ZFHX3: variants seen among roughly 807,000 people sequenced by gnomAD.
ZFHX3 encodes the protein zinc finger homeobox protein 3.
Under a neutral mutation model 279.1 loss-of-function variants are expected in ZFHX3, and 42 were observed. That is an observed-to-expected ratio of 0.15 (90% CI 0.12 to 0.19). The LOEUF (loss-of-function observed/expected upper bound fraction) is 0.19. Ranked by LOEUF, ZFHX3 falls within the 10% of genes least tolerant of loss-of-function variation. The pLI, the probability that ZFHX3 is intolerant of heterozygous loss-of-function variation, is 1.00. For synonymous variants in ZFHX3, 2,293 were observed against 1,957.8 expected, an observed-to-expected ratio of 1.17 and a Z score of -4.52; for missense variants, 4,981 against 4,754.0, an observed-to-expected ratio of 1.05 and a Z score of -1.40.
intron 7 of ZFHX3, among the ~76,000 whole-genome samples, chr16:73,121,720 A>T (rs982883091): frequency 1.9e-4 from 28 of 147,876 alleles, no homozygotes; most frequent in Non-Finnish European, 3.1e-4. Flanking sequence ...GGTTCTCGCC[A>T]TTCTCCTGCC....
At chr16:73,174,917 C>T (rs1225463467) in intron 5 of ZFHX3, among the ~76,000 whole-genome samples, 1 of 151,174 alleles carries the variant, frequency 6.6e-6, no homozygotes, top group Non-Finnish European at 1.5e-5. Flanking sequence ...GCTTGCAATC[C>T]CAGCTACTCG....
At chr16:73,751,186 T>C (rs2053758916) in intron 1 of ZFHX3, among the ~76,000 whole-genome samples, 1 of 152,238 alleles carries the variant, frequency 6.6e-6, no homozygotes, top group Non-Finnish European at 1.5e-5. Flanking sequence ...CAGGACCTAC[T>C]GCAAGAAGTC....
intron 5 of ZFHX3, among the ~76,000 whole-genome samples, chr16:73,157,830 AAGG>A (rs995122181): frequency 2.0e-5 from 3 of 152,140 alleles, no homozygotes; most frequent in African/African-American, 7.2e-5. Flanking sequence ...TTGGCCTCAC[AAGG>A]AGAAGAAGCA....
chr16:73,866,736 G>A (rs565639149), intron 1 of ZFHX3, among the ~76,000 whole-genome samples: 3 of 152,218 alleles, frequency 2.0e-5, no homozygotes, highest in Non-Finnish European at 4.4e-5. Flanking sequence ...AACAGCACAG[G>A]TGCAGGGAGT....
At chr16:73,184,486 G>T (rs1967869889) in intron 5 of ZFHX3, among the ~76,000 whole-genome samples, 1 of 152,184 alleles carries the variant, frequency 6.6e-6, no homozygotes. Context: ...AAGCCAGGAG[G>T]TGCTCTGCCA....
intron 1 of ZFHX3, among the ~76,000 whole-genome samples, chr16:73,738,736 G>A (rs1048501418): frequency 6.6e-6 from 1 of 152,124 alleles, no homozygotes; most frequent in African/African-American, 2.4e-5. Flanking sequence ...CTGATGCTCT[G>A]GGGAATTCAC....
chr16:73,857,466 T>C (rs1961764515), intron 1 of ZFHX3, among the ~76,000 whole-genome samples: 1 of 152,150 alleles, frequency 6.6e-6, no homozygotes, highest in South Asian at 2.1e-4. Flanking sequence ...CTTGTTCCAA[T>C]CAAAGACTAC....
intron 2 of ZFHX3, among the ~76,000 whole-genome samples, chr16:73,663,055 CT>C (rs1441123371): frequency 1.3e-5 from 2 of 152,086 alleles, no homozygotes; most frequent in Non-Finnish European, 2.9e-5. Context: ...CATCTCTTCC[CT>C]TCCAAAAAAA....
At chr16:73,590,234 A>G (rs564823934) in intron 2 of ZFHX3, among the ~76,000 whole-genome samples, 5 of 152,200 alleles carry the variant, frequency 3.3e-5, no homozygotes, top group Non-Finnish European at 7.3e-5. Context: ...TTGTCTGTTA[A>G]AGACTCCTAA....
intron 2 of ZFHX3, among the ~76,000 whole-genome samples, chr16:73,567,435 C>G (rs2020467288): frequency 6.6e-6 from 1 of 152,192 alleles, no homozygotes; most frequent in Admixed American, 6.5e-5. Flanking sequence ...ACTGTCATCC[C>G]CAGAAGAGCT....
At chr16:73,423,103 A>T (rs1049483442) in intron 3 of ZFHX3, among the ~76,000 whole-genome samples, 2 of 151,820 alleles carry the variant, frequency 1.3e-5, no homozygotes, top group Non-Finnish European at 2.9e-5. Flanking sequence ...CTCTTCAAAG[A>T]CTCCATCCCC....
intron 4 of ZFHX3, among the ~76,000 whole-genome samples, chr16:73,269,293 C>T (rs1352828607): frequency 6.6e-6 from 1 of 152,204 alleles, no homozygotes; most frequent in Non-Finnish European, 1.5e-5. Flanking sequence ...GTTCTTTTGT[C>T]CCTGAACATT....
At chr16:72,982,350 C>G (rs1962643461) in intron 1 of ZFHX3, among the ~76,000 whole-genome samples, 1 of 152,176 alleles carries the variant, frequency 6.6e-6, no homozygotes, top group South Asian at 2.1e-4. Flanking sequence ...AGCTGCAGAG[C>G]AAGGACCAGG....
chr16:73,798,440 A>G (rs191887319), intron 1 of ZFHX3, among the ~76,000 whole-genome samples: 7 of 152,208 alleles, frequency 4.6e-5, no homozygotes, highest in Admixed American at 4.6e-4. Flanking sequence ...CATGTGAGGA[A>G]AAAAGGAAAA....
chr16:73,208,793 T>G (rs950188165), intron 5 of ZFHX3, among the ~76,000 whole-genome samples: 11 of 152,178 alleles, frequency 7.2e-5, no homozygotes, highest in African/African-American at 2.2e-4. Flanking sequence ...ATAAAATACT[T>G]GGGAAAGAAA....
intron 4 of ZFHX3, among the ~76,000 whole-genome samples, chr16:72,855,386 GTAA>G (rs1253838579): frequency 6.6e-6 from 1 of 152,236 alleles, no homozygotes; most frequent in Non-Finnish European, 1.5e-5. Flanking sequence ...CCACCAGCCT[GTAA>G]TAAGGAGATA....
At chr16:73,497,454 A>T (rs1378871604) in intron 2 of ZFHX3, among the ~76,000 whole-genome samples, 1 of 152,188 alleles carries the variant, frequency 6.6e-6, no homozygotes, top group African/African-American at 2.4e-5. Flanking sequence ...GGACTGCTTG[A>T]GCCCAGGAGT....
At chr16:72,977,849 C>G (rs1962418151) in intron 1 of ZFHX3, among the ~76,000 whole-genome samples, 1 of 151,828 alleles carries the variant, frequency 6.6e-6, no homozygotes, top group African/African-American at 2.4e-5. Context: ...AAGAAAAGGA[C>G]CAGGGATTTT....
At chr16:73,151,519 C>G (rs1597185751) in intron 5 of ZFHX3, among the ~76,000 whole-genome samples, 1 of 152,032 alleles carries the variant, frequency 6.6e-6, no homozygotes, top group African/African-American at 2.4e-5. Flanking sequence ...ACAGAGGCTG[C>G]CTCCTGCTCG....
Sources: gnomAD v4.1 joint callset for allele counts (sites outside exome capture counted in the v4.1 genomes callset) on GRCh38, gnomAD v4.1.1 for gene constraint, MANE v1.5 for transcripts, NCBI Gene and HGNC (gene_info 2026-07-23, HGNC 2026-07-21) for gene names.